The following RTF2 variants were observed in gnomAD, a reference collection of about 807,000 sequenced individuals.
RTF2 encodes UPF0549 protein C20orf43.
RTF2 carries 18 observed loss-of-function variants against 38.0 expected under a neutral mutation model. That is an observed-to-expected ratio of 0.47 (90% CI 0.33 to 0.70). RTF2 has a LOEUF of 0.70. RTF2 is among the 30% of genes least tolerant of loss of function. The probability of loss-of-function intolerance (pLI) is 0.02; values close to 1 mark genes in which losing one functional copy is unlikely to be tolerated. For synonymous variants in RTF2, 126 were observed against 137.1 expected (o/e 0.92, Z 0.57); for missense variants, 311 against 379.6 (o/e 0.82, Z 1.50).
chr20:56,493,112 G>C (rs1983278228), intron 5 of RTF2, among the ~76,000 whole-genome samples: 1 of 152,100 alleles, frequency 6.6e-6, no homozygotes, highest in Admixed American at 6.6e-5. Flanking sequence ...GGAGTCAGAG[G>C]TTGCAGTGAG....
intron 4 of RTF2, among the ~76,000 whole-genome samples, chr20:56,483,449 A>C (rs529267711): frequency 2.5e-4 from 38 of 151,906 alleles, no homozygotes; most frequent in Middle Eastern, 3.4e-3. Context: ...CAGCCTCCCT[A>C]GTAGCTGGGA....
rs561869700 is a variant in RTF2, at chr20:56,496,869, C to T, written c.477+12680C>T. 5 of 1,551,784 alleles carry T rather than the reference C, an allele frequency of 3.2e-6. No homozygotes were observed. In the South Asian group the frequency reaches 4.8e-5, roughly 15 times the overall value. ...TCCTTTAGGAACGAATTCGAGATGA[C>T]TTTGACTTGTCTTGGATTTAATGTG... On this transcript the variant is annotated intron_variant, in intron 5 of 8. Coordinates refer to ENST00000357348, the MANE Select transcript of RTF2 (RefSeq NM_016407.5).
chr20:56,504,819 C>T (rs966813733), intron 5 of RTF2, among the ~76,000 whole-genome samples: 1 of 152,230 alleles, frequency 6.6e-6, no homozygotes, highest in African/African-American at 2.4e-5. Flanking sequence ...TTCTATGTGC[C>T]TTGACGCCTA....
chr20:56,502,773 G>A (rs1984004188), intron 5 of RTF2, among the ~76,000 whole-genome samples: 1 of 152,178 alleles, frequency 6.6e-6, no homozygotes, highest in Non-Finnish European at 1.5e-5. Context: ...TTTCAAAAAG[G>A]GTGGGGGTTG....
chr20:56,490,431 C>G (rs1367596588), intron 5 of RTF2, among the ~76,000 whole-genome samples: 4 of 152,200 alleles, frequency 2.6e-5, no homozygotes, highest in South Asian at 2.1e-4. Context: ...AGGGAGGAGA[C>G]CCAGATCTGT....
At chr20:56,482,976 A>G (rs1429562525) in intron 4 of RTF2, among the ~76,000 whole-genome samples, 1 of 152,222 alleles carries the variant, frequency 6.6e-6, no homozygotes, top group African/African-American at 2.4e-5. Flanking sequence ...CATTATATGT[A>G]TTTAATAACC....
chr20:56,513,423 GA>G lies in RTF2; in HGVS notation c.590del (p.Lys197ArgfsTer53). ...GGAGAGAAGGCTGAGAGCGAAGCTGGAAAAGGTAATGGGAGTCTTCAGGTTC... is the reference window on the plus strand; with the variant it reads ...GGAGAGAAGGCTGAGAGCGAAGCTGGAAAGGTAATGGGAGTCTTCAGGTTC... ...MEERRLRAKL[E>X]KKTKKPKAAE... On this transcript the variant is annotated frameshift_variant, in exon 6 of 9. Transcript: ENST00000357348. LOFTEE classifies it high-confidence loss of function. 6.3e-7 allele frequency: 1 copy of G among 1,591,126 alleles called. No individual in the cohort carries two copies. The highest frequency in any genetic ancestry group is 1.8e-5 in the Admixed American group (1 of 55,770).
rs1289136619 is a variant in RTF2 at position 56,477,616 on chromosome 20, C to T, written c.398+492C>T. Among the ~76,000 whole-genome samples the T allele has an allele frequency of 2.6e-5, 4 of 151,650 alleles. No homozygotes were observed. In the East Asian group the frequency reaches 7.8e-4, roughly 29 times the overall value. ...CAGGCTGGTCTTGAATTCCTGGCCTCAAGCGATCCTCCTGCCTCAGCATCC... is the reference window on the plus strand; with the variant it reads ...CAGGCTGGTCTTGAATTCCTGGCCTTAAGCGATCCTCCTGCCTCAGCATCC... On this transcript the variant is annotated intron_variant, in intron 4 of 8. Coordinates refer to ENST00000357348, the MANE Select transcript of RTF2 (RefSeq NM_016407.5).
chr20:56,476,745 T>G (rs541251075), intron 3 of RTF2, among the ~76,000 whole-genome samples: 37 of 152,252 alleles, frequency 2.4e-4, no homozygotes, highest in African/African-American at 8.9e-4. Context: ...GTGATCCGCC[T>G]GCCTCGGCCT....
chr20:56,493,643 C>T lies in RTF2; in HGVS notation c.477+9454C>T, dbSNP rs371167785. Among the ~76,000 whole-genome samples the T allele has an allele frequency of 8.0e-5, 11 of 137,978 alleles. 1 individual carries two copies. Among genetic ancestry groups the T allele is most frequent in the East Asian group, 6.9e-4 (3 of 4,328 alleles). The allele number at this position is 137,978 out of a possible 152,430, so 90.5% of individuals were successfully genotyped here. A position where few individuals can be genotyped will look rare whatever the true frequency, so the allele number is the denominator to read the frequency against. ...CTGCACTCCAGCCTGGGTGACAGAG[C>T]GAGACCCTGTCTCAAAAAAAAAAAA... On this transcript the variant is annotated intron_variant, in intron 5 of 8. Transcript: ENST00000357348.
chr20:56,473,323 T>C lies in RTF2; in HGVS notation c.92T>C (p.Val31Ala). The C allele has an allele frequency of 6.2e-7, 1 of 1,613,652 alleles. No individual in the cohort carries two copies. The stretch of plus-strand genomic sequence containing the variant: ...TAGGTCGACAAAGATGCTGAATTAG[T>C]GGCCCAATGGAACTATTGTACTCTA... ...VEKVDKDAEL[V>A]AQWNYCTLSQ... Residue 31 changes from valine (V) to alanine (A), a missense_variant, in exon 2 of 9, where the codon GTG (valine) becomes GCG (alanine). Coordinates refer to ENST00000357348, the MANE Select transcript of RTF2 (RefSeq NM_016407.5).
In RTF2 at chr20:56,495,324, A is replaced by G. The variant is rs1983448568; in HGVS notation, c.477+11135A>G. 17 of 1,508,058 alleles carry G rather than the reference A, an allele frequency of 1.1e-5. No homozygotes were observed. The East Asian group carries it at 4.2e-4, about 37-fold the overall frequency. The allele number at this position is 1,508,058 out of a possible 1,614,324, so 93.4% of individuals were successfully genotyped here. A position where few individuals can be genotyped will look rare whatever the true frequency, so the allele number is the denominator to read the frequency against. On this transcript the variant is annotated intron_variant, in intron 5 of 8. Coordinates refer to ENST00000357348, the MANE Select transcript of RTF2 (RefSeq NM_016407.5). ...TAAGAGGAAAACAAAACCAGCATTC[A>G]GTGTGGAATCTGCTTCCCAGTTCTT... is the stretch of plus-strand genomic sequence containing the variant.
intron 5 of RTF2, among the ~76,000 whole-genome samples, chr20:56,503,434 C>A (rs774372427): frequency 6.6e-6 from 1 of 152,136 alleles, no homozygotes. Context: ...AGGATTTGCA[C>A]GTGGCCTTGA....
intron 5 of RTF2, among the ~76,000 whole-genome samples, chr20:56,488,198 T>C (rs776513210): frequency 3.3e-5 from 5 of 152,070 alleles, no homozygotes; most frequent in Admixed American, 1.3e-4. Flanking sequence ...CCGTCTCTAC[T>C]AAAAATACAA....
chr20:56,515,575 C>CAGAGAGAGAGAGAG (rs58977063), intron 6 of RTF2: 9 of 130,308 alleles, frequency 6.9e-5, no homozygotes, highest in African/African-American at 2.7e-4. Context: ...CTGTCTCAGA[C>CAGAGAGAGAGAGAG]AGAGAGAGAG....
At chr20:56,494,101 C>G (rs1372070241) in intron 5 of RTF2, among the ~76,000 whole-genome samples, 1 of 152,108 alleles carries the variant, frequency 6.6e-6, no homozygotes, top group Non-Finnish European at 1.5e-5. Context: ...GCCCAAAGCT[C>G]GGACCCGGAA....
chr20:56,471,632 TAAAAG>T (rs989704026), intron 1 of RTF2: 5 of 151,996 alleles, frequency 3.3e-5, no homozygotes, highest in Admixed American at 1.3e-4. Context: ...TGTAAAAACT[TAAAAG>T]AAGAAAGACC....
At chr20:56,509,508 G>A (rs546963272) in intron 5 of RTF2, among the ~76,000 whole-genome samples, 2 of 151,944 alleles carry the variant, frequency 1.3e-5, no homozygotes, top group East Asian at 3.9e-4. Flanking sequence ...AGCTACCCAG[G>A]AGGCTGAAGC....
intron 5 of RTF2, chr20:56,491,370 T>C (rs904048821): frequency 6.8e-6 from 4 of 584,368 alleles, no homozygotes; most frequent in African/African-American, 5.6e-5. Context: ...TTTTTTGTCT[T>C]GTGATTTCTT....
Sources: gnomAD v4.1 joint callset for allele counts (sites outside exome capture counted in the v4.1 genomes callset) on GRCh38, gnomAD v4.1.1 for gene constraint, MANE v1.5 for transcripts, NCBI Gene and HGNC (gene_info 2026-07-23, HGNC 2026-07-21) for gene names.